The following TAOK1 variants were observed in gnomAD, a reference collection of about 807,000 sequenced individuals.
TAOK1 encodes serine/threonine-protein kinase TAO1.
A neutral mutation model predicts 138.3 loss-of-function variants in TAOK1; 21 were observed. The observed-to-expected ratio is 0.15, with a 90% CI of 0.11 to 0.22. TAOK1 has a LOEUF of 0.22. TAOK1 is among the 10% of genes least tolerant of loss of function. The probability of loss-of-function intolerance (pLI) is 1.00; values close to 1 mark genes in which losing one functional copy is unlikely to be tolerated. For missense variants in TAOK1, 651 were observed against 1,227.7 expected (o/e 0.53, Z 7.02); for synonymous variants, 361 against 398.4 (o/e 0.91, Z 1.12).
chr17:29,499,000 A>G (rs2031465193), intron 12 of TAOK1, among the ~76,000 whole-genome samples: 1 of 152,156 alleles, frequency 6.6e-6, no homozygotes, highest in Non-Finnish European at 1.5e-5. Flanking sequence ...CTCCATTTGG[A>G]AAATTCATGT....
intron 2 of TAOK1, among the ~76,000 whole-genome samples, chr17:29,462,977 T>G (rs2030566446): frequency 6.6e-6 from 1 of 152,182 alleles, no homozygotes; most frequent in Non-Finnish European, 1.5e-5. Flanking sequence ...GTTCATTTGG[T>G]TCTGTTCTAC....
chr17:29,459,406 C>T (rs925417332), intron 2 of TAOK1, among the ~76,000 whole-genome samples: 6 of 151,958 alleles, frequency 3.9e-5, no homozygotes, highest in Non-Finnish European at 7.4e-5. Flanking sequence ...CTCAGCCTCC[C>T]GAGTAGCTGA....
chr17:29,535,245 A>ACAAC (rs1234709100), intron 19 of TAOK1, among the ~76,000 whole-genome samples: 2 of 152,092 alleles, frequency 1.3e-5, no homozygotes, highest in African/African-American at 2.4e-5. Context: ...TAGAAGGTTG[A>ACAAC]GGCTTCAGTA....
intron 17 of TAOK1, among the ~76,000 whole-genome samples, chr17:29,529,876 A>T (rs563530767): frequency 3.3e-5 from 5 of 151,618 alleles, no homozygotes; most frequent in Admixed American, 2.6e-4. Flanking sequence ...AAAAAAAAAA[A>T]ATTAGCTGAA....
At chr17:29,540,102 A>C (rs1209087998) in intron 19 of TAOK1, among the ~76,000 whole-genome samples, 1 of 152,140 alleles carries the variant, frequency 6.6e-6, no homozygotes, top group East Asian at 1.9e-4. Flanking sequence ...AAAATAAGAA[A>C]TGTTTGGGAG....
chr17:29,467,323 G>A (rs1336098512), intron 3 of TAOK1, 107 bp downstream of exon 3: 2 of 520,916 alleles, frequency 3.8e-6, no homozygotes, highest in Non-Finnish European at 6.0e-6. Context: ...GCCCAGGCTG[G>A]AGTGTAGTGG....
At chr17:29,442,944 T>A (rs541962573) in intron 1 of TAOK1, among the ~76,000 whole-genome samples, 3 of 152,320 alleles carry the variant, frequency 2.0e-5, no homozygotes, top group Non-Finnish European at 1.5e-5. Context: ...ATGTCAAATT[T>A]CTTGCTGGTA....
intron 17 of TAOK1, among the ~76,000 whole-genome samples, chr17:29,528,951 A>G (rs1471205215): frequency 1.3e-5 from 2 of 150,680 alleles, no homozygotes; most frequent in Non-Finnish European, 2.9e-5. Flanking sequence ...TGTCTCACCA[A>G]TAAAGTGCTT....
chr17:29,395,140 A>C (rs1904556039), intron 1 of TAOK1, among the ~76,000 whole-genome samples: 1 of 152,082 alleles, frequency 6.6e-6, no homozygotes, highest in South Asian at 2.1e-4. Context: ...ACTACCTGGC[A>C]GGCTGAGGTG....
intron 2 of TAOK1, among the ~76,000 whole-genome samples, chr17:29,452,227 A>C (rs7220139): frequency 0.8 from 121,564 of 151,758 alleles, 49,432 homozygotes; most frequent in East Asian, 0.97. Context: ...AAAATAAATA[A>C]ATAAATAAAT....
In TAOK1 at chr17:29,544,142, AT is replaced by A. The variant is rs1193989680; in HGVS notation, c.*1121del. 1 of 152,672 alleles carries A rather than the reference AT, an allele frequency of 6.5e-6. No homozygotes were observed. Among genetic ancestry groups the A allele is most frequent in the Admixed American group, 6.5e-5 (1 of 15,284 alleles). 9.5% of individuals were successfully genotyped at this position (152,672 alleles called of 1,614,324 possible). A position where few individuals can be genotyped will look rare whatever the true frequency, so the allele number is the denominator to read the frequency against. On this transcript the variant is annotated 3_prime_UTR_variant, in exon 20 of 20. Transcript: ENST00000261716. ...GAAATTCTCGTCACACTACATAGACATAATTGTTATCTCCTTTTGGCTTATG... is the reference window on the plus strand; with the variant it reads ...GAAATTCTCGTCACACTACATAGACAAATTGTTATCTCCTTTTGGCTTATG...
At chr17:29,397,785 G>A (rs953718577) in intron 1 of TAOK1, among the ~76,000 whole-genome samples, 3 of 145,672 alleles carry the variant, frequency 2.1e-5, no homozygotes, top group African/African-American at 5.1e-5. Flanking sequence ...ATATTCGTGT[G>A]TATATATGTA....
intron 1 of TAOK1, among the ~76,000 whole-genome samples, chr17:29,394,050 C>A (rs1232569806): frequency 6.7e-6 from 1 of 150,032 alleles, no homozygotes; most frequent in Non-Finnish European, 1.5e-5. Context: ...TGTTACGATG[C>A]CATTTTAACA....
At chr17:29,416,399 A>C (rs1480668195) in intron 1 of TAOK1, among the ~76,000 whole-genome samples, 3 of 152,072 alleles carry the variant, frequency 2.0e-5, no homozygotes, top group Non-Finnish European at 4.4e-5. Context: ...GTCACCTGGA[A>C]GATTCACAGT....
chr17:29,465,101 A>G lies in TAOK1; in HGVS notation c.133-2044A>G, dbSNP rs559140659. Among the ~76,000 whole-genome samples, 55 of 145,974 alleles carry G rather than the reference A, an allele frequency of 3.8e-4. 2 individuals are homozygous for G. In the South Asian group the frequency reaches 0.011, roughly 30 times the overall value. ...CTCCCAAAGTGCTGGGATTATAGGC[A>G]TAAGCCACCATGCCTGGTCTTATTT... On this transcript the variant is annotated intron_variant, in intron 2 of 19. Coordinates refer to ENST00000261716, the MANE Select transcript of TAOK1 (RefSeq NM_020791.4).
intron 1 of TAOK1, among the ~76,000 whole-genome samples, chr17:29,420,973 A>G (rs527336547): frequency 6.6e-6 from 1 of 152,086 alleles, no homozygotes; most frequent in Admixed American, 6.6e-5. Context: ...TCTGTCATCT[A>G]GGCTGGAGTG....
At chr17:29,431,795 C>A (rs995600105) in intron 1 of TAOK1, among the ~76,000 whole-genome samples, 1 of 145,958 alleles carries the variant, frequency 6.9e-6, no homozygotes, top group African/African-American at 2.6e-5. Context: ...CACCACCATG[C>A]CTGGCTAATT....
chr17:29,473,907 T>G (rs1487588335), intron 3 of TAOK1, among the ~76,000 whole-genome samples: 1 of 151,986 alleles, frequency 6.6e-6, no homozygotes, highest in Non-Finnish European at 1.5e-5. Context: ...AATTTTTGTG[T>G]GTTTAGTGGA....
At chr17:29,455,172 A>G (rs1051312399) in intron 2 of TAOK1, among the ~76,000 whole-genome samples, 1 of 148,906 alleles carries the variant, frequency 6.7e-6, no homozygotes, top group Non-Finnish European at 1.5e-5. Flanking sequence ...CAGCCTCCCA[A>G]AGTGCTGGGA....
Sources: gnomAD v4.1 joint callset for allele counts (sites outside exome capture counted in the v4.1 genomes callset) on GRCh38, gnomAD v4.1.1 for gene constraint, MANE v1.5 for transcripts, NCBI Gene and HGNC (gene_info 2026-07-23, HGNC 2026-07-21) for gene names.